Variants in GRAMD1B observed in about 807,000 individuals in gnomAD.
GRAMD1B encodes the protein GRAM domain containing 1B.
In GRAMD1B, 37 loss-of-function variants were observed where a neutral mutation model predicts 99.7. That is an observed-to-expected ratio of 0.37 (90% CI 0.29 to 0.49). The LOEUF (loss-of-function observed/expected upper bound fraction) is 0.49. Ranked by LOEUF, GRAMD1B falls within the 20% of genes least tolerant of loss-of-function variation. The pLI, the probability that GRAMD1B is intolerant of heterozygous loss-of-function variation, is 0.98. For missense variants in GRAMD1B, 888 were observed against 1,009.2 expected (o/e 0.88, Z 1.63); for synonymous variants, 427 against 387.6 (o/e 1.10, Z -1.19).
intron 2 of GRAMD1B, among the ~76,000 whole-genome samples, chr11:123,493,977 A>C (rs1024868695): frequency 1.3e-5 from 2 of 152,136 alleles, no homozygotes; most frequent in Non-Finnish European, 2.9e-5. Context: ...ACTTGCATCA[A>C]AATAAATGGC....
chr11:123,517,808 A>G (rs1941817428), intron 2 of GRAMD1B, among the ~76,000 whole-genome samples: 1 of 152,204 alleles, frequency 6.6e-6, no homozygotes, highest in South Asian at 2.1e-4. Context: ...CTGTATTTTT[A>G]AAAATGGTAA....
intron 1 of GRAMD1B, among the ~76,000 whole-genome samples, chr11:123,402,009 C>T (rs1332402309): frequency 1.3e-5 from 2 of 152,228 alleles, no homozygotes; most frequent in African/African-American, 2.4e-5. Context: ...AAGCTACCCG[C>T]TCTGCATCCA....
chr11:123,611,402 C>A (rs1953548093), intron 14 of GRAMD1B, among the ~76,000 whole-genome samples: 1 of 152,136 alleles, frequency 6.6e-6, no homozygotes, highest in African/African-American at 2.4e-5. Context: ...CAACTGCACT[C>A]CAGCCTGGGA....
Position 123,469,766 on chromosome 11 carries a change from T to TCC in GRAMD1B, c.375-11050_375-11049insCC, listed in dbSNP as rs56940752. Among the ~76,000 whole-genome samples the TCC allele has an allele frequency of 7.4e-3, 877 of 118,492 alleles. 16 individuals are homozygous for TCC. Among genetic ancestry groups the TCC allele is most frequent in the East Asian group, 0.032 (147 of 4,564 alleles). 77.7% of individuals were successfully genotyped at this position (118,492 alleles called of 152,430 possible). A position where few individuals can be genotyped will look rare whatever the true frequency, so the allele number is the denominator to read the frequency against. ...CTTTCTTTCTTTCTTTCCTTCTTTC[T>TCC]TTCTCTTTCTTTCCTTCCTTCCTTC... is the stretch of plus-strand genomic sequence containing the variant. On this transcript the variant is annotated intron_variant, in intron 1 of 19. Coordinates refer to ENST00000635736, the MANE Select transcript of GRAMD1B (RefSeq NM_001387025.1).
At chr11:123,515,749 G>A (rs1941610383) in intron 2 of GRAMD1B, among the ~76,000 whole-genome samples, 4 of 151,826 alleles carry the variant, frequency 2.6e-5, no homozygotes, top group Admixed American at 2.6e-4. Flanking sequence ...AATTTAAAAG[G>A]TCATGCTGTC....
chr11:123,445,902 ATCTTTTTATGTTT>A (rs1565504833), intron 1 of GRAMD1B, among the ~76,000 whole-genome samples: 1 of 151,916 alleles, frequency 6.6e-6, no homozygotes, highest in East Asian at 1.9e-4. Flanking sequence ...TCTTGGTTAT[ATCTTTTTATGTTT>A]TCAAGACATA....
chr11:123,579,536 G>A (rs1048503493), intron 3 of GRAMD1B, among the ~76,000 whole-genome samples: 9 of 152,184 alleles, frequency 5.9e-5, no homozygotes, highest in African/African-American at 2.2e-4. Context: ...GGCTCGGCAG[G>A]TGCAGGCATA....
chr11:123,528,051 T>G (rs1216695987), intron 2 of GRAMD1B, among the ~76,000 whole-genome samples: 1 of 152,218 alleles, frequency 6.6e-6, no homozygotes, highest in Non-Finnish European at 1.5e-5. Context: ...TTAGATCCTG[T>G]GACCCACTGT....
Position 123,473,422 on chromosome 11 carries a change from C to G in GRAMD1B, c.375-7394C>G, listed in dbSNP as rs557042140. Among the ~76,000 whole-genome samples the G allele has an allele frequency of 2.3e-4, 35 of 152,262 alleles. No homozygotes were observed. In the South Asian group the frequency reaches 7.3e-3, roughly 32 times the overall value. On this transcript the variant is annotated intron_variant, in intron 1 of 19. Coordinates refer to ENST00000635736, the MANE Select transcript of GRAMD1B (RefSeq NM_001387025.1). Reference sequence around the variant, plus strand: ...AGGACTACAGGCACACACCACCACACCGTGCTAATTTTTGTTTTCATTTAT... The same window carrying G: ...AGGACTACAGGCACACACCACCACAGCGTGCTAATTTTTGTTTTCATTTAT...
intron 2 of GRAMD1B, among the ~76,000 whole-genome samples, chr11:123,571,499 T>C (rs545700372): frequency 1.1e-3 from 164 of 152,258 alleles, no homozygotes; most frequent in African/African-American, 3.7e-3. Context: ...TAGCATGAGA[T>C]ACTGTGATCA....
At chr11:123,611,605 G>A (rs1953582999) in intron 14 of GRAMD1B, among the ~76,000 whole-genome samples, 1 of 151,846 alleles carries the variant, frequency 6.6e-6, no homozygotes, top group African/African-American at 2.4e-5. Flanking sequence ...TTCCTCCACA[G>A]TGCCTAGGTT....
At chr11:123,577,289 T>C (rs1948817920) in intron 2 of GRAMD1B, 78 bp from the exon 3 acceptor site, 21 of 1,247,154 alleles carry the variant, frequency 1.7e-5, no homozygotes, top group Middle Eastern at 1.8e-4. Flanking sequence ...GGCTTGTCCT[T>C]GGCCTCGATC....
At chr11:123,463,295 G>A (rs1950523404) in intron 1 of GRAMD1B, among the ~76,000 whole-genome samples, 1 of 152,234 alleles carries the variant, frequency 6.6e-6, no homozygotes, top group South Asian at 2.1e-4. Context: ...TTACAGGCAT[G>A]AGCCACCGTG....
intron 1 of GRAMD1B, among the ~76,000 whole-genome samples, chr11:123,468,376 C>G (rs73025958): frequency 7.9e-4 from 121 of 152,224 alleles, no homozygotes; most frequent in Non-Finnish European, 1.2e-3. Flanking sequence ...GTGCTAGGCA[C>G]TGTGGGTGGA....
At chr11:123,404,583 T>A (rs2135937590) in intron 1 of GRAMD1B, among the ~76,000 whole-genome samples, 1 of 152,350 alleles carries the variant, frequency 6.6e-6, no homozygotes, top group East Asian at 1.9e-4. Context: ...CACAGCACTT[T>A]GGTGGCAGAG....
At chr11:123,497,825 C>T (rs1480073836) in intron 2 of GRAMD1B, among the ~76,000 whole-genome samples, 2 of 149,674 alleles carry the variant, frequency 1.3e-5, no homozygotes, top group East Asian at 2.0e-4. Context: ...CGCTTGAACC[C>T]GGGAGGCAGA....
intron 3 of GRAMD1B, among the ~76,000 whole-genome samples, chr11:123,581,669 T>C (rs1238534147): frequency 6.6e-6 from 1 of 152,186 alleles, no homozygotes; most frequent in African/African-American, 2.4e-5. Flanking sequence ...CTCAGCACAG[T>C]CCTACTCCTT....
At chr11:123,575,933 G>A (rs1948657751) in intron 2 of GRAMD1B, among the ~76,000 whole-genome samples, 2 of 152,018 alleles carry the variant, frequency 1.3e-5, no homozygotes, top group East Asian at 1.9e-4. Context: ...TGGAACATTG[G>A]GCCTTGCTTT....
chr11:123,584,373 A>AGGGGGGGGGGAAGGGAGG, intron 4 of GRAMD1B, 41 bp downstream of exon 4: 2 of 79,432 alleles, frequency 2.5e-5, no homozygotes, highest in South Asian at 3.2e-4. Context: ...TACCTGAGAA[A>AGGGGGGGGGGAAGGGAGG]TGGGAGGGGG....
Sources: allele counts gnomAD v4.1 joint callset (sites outside exome capture counted in the v4.1 genomes callset), GRCh38; gene constraint gnomAD v4.1.1; transcripts MANE v1.5; gene names NCBI Gene and HGNC (gene_info 2026-07-23, HGNC 2026-07-21).